PRR5L: variants seen among roughly 807,000 people sequenced by gnomAD.
PRR5L encodes proline rich 5 like, also known as proline-rich protein 5-like.
PRR5L carries 21 observed loss-of-function variants against 36.4 expected under a neutral mutation model. The observed-to-expected ratio is 0.58, with a 90% CI of 0.41 to 0.83. PRR5L has a LOEUF of 0.83. Among genes scored for constraint, PRR5L ranks in the 40% least tolerant of loss-of-function variants. PRR5L has a pLI of 0.00. For synonymous variants in PRR5L, 188 were observed against 197.0 expected, an observed-to-expected ratio of 0.95 and a Z score of 0.38; for missense variants, 381 against 473.3, an observed-to-expected ratio of 0.80 and a Z score of 1.81.
chr11:36,309,257 A>G (rs990838525), intron 1 of PRR5L, among the ~76,000 whole-genome samples: 2 of 152,242 alleles, frequency 1.3e-5, no homozygotes, highest in African/African-American at 4.8e-5. Flanking sequence ...CACCAAAACA[A>G]GCATCAACGC....
intron 7 of PRR5L, among the ~76,000 whole-genome samples, chr11:36,448,280 C>A (rs1316706164): frequency 6.6e-6 from 1 of 152,148 alleles, no homozygotes; most frequent in African/African-American, 2.4e-5. Flanking sequence ...GTCCCCACCC[C>A]CATTTGCTCT....
chr11:36,457,024 C>T (rs1326634479), intron 8 of PRR5L, among the ~76,000 whole-genome samples: 2 of 152,206 alleles, frequency 1.3e-5, no homozygotes, highest in Non-Finnish European at 1.5e-5. Flanking sequence ...AGAGTGGCTT[C>T]TCTTGTCCAT....
intron 7 of PRR5L, 101 bp downstream of exon 7, chr11:36,446,541 C>T: frequency 7.2e-7 from 1 of 1,380,164 alleles, no homozygotes; most frequent in South Asian, 1.3e-5. Context: ...ACCAGAGCAC[C>T]TTAGCTTGGC....
At position 36,351,263 on chromosome 11, in the gene PRR5L, T is replaced by C. The variant is rs1323285142; in HGVS notation, c.-125-49734T>C. ...TTATATATATTTTTATATATGTATA[T>C]TTATATATTTATATATATGTATATT... On this transcript the variant is annotated intron_variant, in intron 1 of 8. Transcript: ENST00000530639. 5.3e-4 allele frequency among the ~76,000 whole-genome samples: 10 copies of C among 18,786 alleles called. 1 individual carries two copies. Among genetic ancestry groups the C allele is most frequent in the African/African-American group, 2.9e-3 (10 of 3,402 alleles). The allele number at this position is 18,786 out of a possible 152,430, so 12.3% of individuals were successfully genotyped here.
chr11:36,341,772 G>T (rs1856819244), intron 1 of PRR5L, among the ~76,000 whole-genome samples: 1 of 152,320 alleles, frequency 6.6e-6, no homozygotes, highest in Non-Finnish European at 1.5e-5. Context: ...TTGAGGTCAA[G>T]TCGTTGGGCT....
chr11:36,332,086 G>A (rs1410282611), intron 1 of PRR5L, among the ~76,000 whole-genome samples: 6 of 152,060 alleles, frequency 3.9e-5, no homozygotes, highest in South Asian at 2.1e-4. Flanking sequence ...GGCTTTAGAC[G>A]GGTTCATTCT....
At chr11:36,342,134 T>G (rs148689376) in intron 1 of PRR5L, among the ~76,000 whole-genome samples, 255 of 152,280 alleles carry the variant, frequency 1.7e-3, no homozygotes, top group Middle Eastern at 3.4e-3. Flanking sequence ...CAGAGGGAGC[T>G]GAGGCACTCC....
chr11:36,444,652 G>C (rs1455635577), intron 6 of PRR5L, among the ~76,000 whole-genome samples: 1 of 152,178 alleles, frequency 6.6e-6, no homozygotes, highest in Non-Finnish European at 1.5e-5. Context: ...GGAGGTCCTA[G>C]AATTGTTTCC....
intron 1 of PRR5L, among the ~76,000 whole-genome samples, chr11:36,303,840 ATCT>A: frequency 6.6e-6 from 1 of 152,346 alleles, no homozygotes; most frequent in African/African-American, 2.4e-5. Context: ...GATTTTTAAG[ATCT>A]TCTCAGGCAT....
intron 1 of PRR5L, chr11:36,362,128 A>T (rs1036591592): frequency 6.7e-6 from 1 of 149,380 alleles, no homozygotes; most frequent in African/African-American, 2.5e-5. Context: ...CCTGCCTTCC[A>T]TTGGCGAACC....
chr11:36,383,423 G>T (rs968851488), intron 1 of PRR5L, among the ~76,000 whole-genome samples: 1 of 152,174 alleles, frequency 6.6e-6, no homozygotes, highest in Non-Finnish European at 1.5e-5. Context: ...CCAAACTTTG[G>T]CATCAGACAT....
chr11:36,342,999 T>G lies in PRR5L; in HGVS notation c.-126+46561T>G, dbSNP rs1383562610. ...GTTAAATTGAAAGGCAAGAACAATTTGATGTTTCGAGGAGATCATGGTTTT... is the reference window on the plus strand; with the variant it reads ...GTTAAATTGAAAGGCAAGAACAATTGGATGTTTCGAGGAGATCATGGTTTT... On this transcript the variant is annotated intron_variant, in intron 1 of 8. Transcript: ENST00000530639. 2.0e-5 allele frequency among the ~76,000 whole-genome samples: 3 copies of G among 152,182 alleles called. No homozygotes were observed. The East Asian group carries it at 5.8e-4, about 29-fold the overall frequency.
Position 36,377,021 on chromosome 11 carries a change from T to G in PRR5L, c.-125-23976T>G, listed in dbSNP as rs1445113302. Among the ~76,000 whole-genome samples the G allele has an allele frequency of 1.3e-5, 2 of 152,108 alleles. No homozygotes were observed. Among genetic ancestry groups the G allele is most frequent in the Non-Finnish European group, 2.9e-5 (2 of 68,006 alleles). ...CCGCCGTGAGGTGGGATGCGGATGC[T>G]GGTGATCATGGGACCTAGGCTGAGC... On this transcript the variant is annotated intron_variant, in intron 1 of 8. Coordinates refer to ENST00000530639, the MANE Select transcript of PRR5L (RefSeq NM_001160167.2). The surrounding 1 kb of genome is among the most constrained non-coding windows in gnomAD (Gnocchi z 5.1).
chr11:36,460,408 C>T (rs565814758), intron 8 of PRR5L, among the ~76,000 whole-genome samples: 63 of 152,200 alleles, frequency 4.1e-4, no homozygotes, highest in African/African-American at 1.5e-3. Context: ...CCAAGTCTGC[C>T]GTTCCTTTGT....
chr11:36,431,921 G>A lies in PRR5L; in HGVS notation c.352+11G>A, dbSNP rs1269419936. The A allele has an allele frequency of 1.1e-5, 18 of 1,612,606 alleles. No homozygotes were observed. The African/African-American group carries it at 1.9e-4, about 17-fold the overall frequency. ...TCAAGCTGTGTGAAGGCAAGTACAA[G>A]ACAGCCCTGGTAGACTGGGGCCTCT... On this transcript the variant is annotated intron_variant, in intron 5 of 8. Coordinates refer to ENST00000530639, the MANE Select transcript of PRR5L (RefSeq NM_001160167.2).
intron 6 of PRR5L, among the ~76,000 whole-genome samples, chr11:36,441,606 T>G (rs1398124386): frequency 6.6e-6 from 1 of 152,172 alleles, no homozygotes; most frequent in Non-Finnish European, 1.5e-5. Flanking sequence ...TCTACCCTTC[T>G]TGGGTCTAGA....
intron 8 of PRR5L, among the ~76,000 whole-genome samples, chr11:36,458,068 C>T (rs1859102148): frequency 6.6e-6 from 1 of 152,160 alleles, no homozygotes; most frequent in Admixed American, 6.5e-5. Flanking sequence ...TACGAGCATC[C>T]ATGCTTCAGA....
chr11:36,336,649 TA>T (rs1240156882), intron 1 of PRR5L, among the ~76,000 whole-genome samples: 6 of 151,488 alleles, frequency 4.0e-5, no homozygotes, highest in Non-Finnish European at 8.8e-5. Flanking sequence ...GGTGCTTAAG[TA>T]ATGTTTGTTG....
intron 1 of PRR5L, among the ~76,000 whole-genome samples, chr11:36,321,876 C>A (rs139408939): frequency 2.6e-5 from 4 of 152,186 alleles, no homozygotes; most frequent in African/African-American, 9.7e-5. Context: ...CTTCACGGGG[C>A]CTTCCCTCTG....
Sources: gnomAD v4.1 joint callset for allele counts (sites outside exome capture counted in the v4.1 genomes callset) on GRCh38, gnomAD v4.1.1 for gene constraint, Gnocchi (gnomAD v3.1) non-coding constraint, MANE v1.5 for transcripts, NCBI Gene and HGNC (gene_info 2026-07-23, HGNC 2026-07-21) for gene names.